LILRA4: variants seen among roughly 807,000 people sequenced by gnomAD.
LILRA4 encodes leukocyte immunoglobulin-like receptor subfamily A member 4.
LILRA4 carries 51 observed loss-of-function variants against 49.5 expected under a neutral mutation model. The observed-to-expected ratio is 1.03, with a 90% CI of 0.82 to 1.30. LILRA4 has a LOEUF of 1.30. Ranked by LOEUF, LILRA4 falls within the 50% of genes most tolerant of loss-of-function variation. The pLI is 0.00. For synonymous variants in LILRA4, 272 were observed against 265.6 expected (o/e 1.02, Z -0.23); for missense variants, 624 against 625.6 (o/e 1.00, Z 0.03).
At chr19:54,333,880 C>A (rs755109001) in intron 7 of LILRA4, 35 bp downstream of exon 7, 6 of 1,612,256 alleles carry the variant, frequency 3.7e-6, no homozygotes, top group Non-Finnish European at 5.1e-6. Context: ...ACCCTCTGTG[C>A]CCAGCCCCAT....
In LILRA4 at chr19:54,337,985, G is replaced by A. The variant is rs2122195416; in HGVS notation, c.606C>T (p.Thr202=). Residue 202 remains threonine (T), a synonymous_variant, in exon 4 of 8, where the codon ACC becomes ACT. Transcript: ENST00000291759. ...CACTGGGTTCCGACCACACGTATGGGGTGTTGTTTTCATAGCCGTAGCATC... is the reference window on the plus strand; with the variant it reads ...CACTGGGTTCCGACCACACGTATGGAGTGTTGTTTTCATAGCCGTAGCATC... ...TFRCYGYENN[T]PYVWSEPSDP... is the part of the protein sequence containing the mutation. The A allele has an allele frequency of 5.0e-6, 8 of 1,613,926 alleles. No individual in the cohort carries two copies. Among genetic ancestry groups the A allele is most frequent in the Admixed American group, 1.7e-5 (1 of 60,010 alleles).
chr19:54,337,134 G>A lies in LILRA4; in HGVS notation c.962C>T (p.Ser321Phe). ...CTGCACTGAGAGGGAGGGTCTGTCA[G>A]AGATCTGTCCTGGAGAAAAGAAGGA... ...PLDILIAGQI[S>F]DRPSLSVQPG... The change falls in exon 6 of 8, where the codon TCT becomes TTT. Residue 321 changes from serine (S) to phenylalanine (F), a missense_variant. Coordinates refer to ENST00000291759, the MANE Select transcript of LILRA4 (RefSeq NM_012276.5). 8 of 1,611,790 alleles carry A rather than the reference G, an allele frequency of 5.0e-6. No individual in the cohort carries two copies. The highest frequency in any genetic ancestry group is 5.9e-6 in the Non-Finnish European group (7 of 1,178,470).
At position 54,337,710 on chromosome 19, in the gene LILRA4, T is replaced by A. The variant is rs529478718; in HGVS notation, c.656-14A>T. ...TCCTAGACACGCCTGGAGGGAAAGA[T>A]GAGTTGGGACTCGGAGCGGCTGGTT... On this transcript the variant is annotated splice_polypyrimidine_tract_variant and intron_variant, in intron 4 of 7. Transcript: ENST00000291759. 1.8e-5 allele frequency: 29 copies of A among 1,609,786 alleles called. No individual in the cohort carries two copies. Among genetic ancestry groups the A allele is most frequent in the Non-Finnish European group, 2.5e-5 (29 of 1,178,746 alleles).
chr19:54,338,941 C>A (rs749408063), intron 1 of LILRA4, 40 bp from the exon 2 acceptor site: 2 of 1,613,926 alleles, frequency 1.2e-6, no homozygotes, highest in African/African-American at 2.7e-5. Context: ...CCTCCGAAGC[C>A]TGAGCAGGTC....
In LILRA4 at chr19:54,338,620, G is replaced by T. The variant is rs757905591; in HGVS notation, c.131C>A (p.Pro44His). The T allele has an allele frequency of 5.6e-6, 9 of 1,614,048 alleles. No individual in the cohort carries two copies. In the East Asian group the frequency reaches 2.0e-4, roughly 36 times the overall value. Residue 44 changes from proline (P) to histidine (H), a missense_variant, in exon 3 of 8, where the codon CCC becomes CAC. Coordinates refer to ENST00000291759, the MANE Select transcript of LILRA4 (RefSeq NM_012276.5). ...GGTGCCCTGACACCAGATGGTCACG[G>T]GGTTATGCCAGGTGATCACGGGACC... is the stretch of plus-strand genomic sequence containing the variant. ...EPGPVITWHNPVTIWCQGTLE... is the reference protein window; with the variant it reads ...EPGPVITWHNHVTIWCQGTLE...
rs139382275 is a variant in LILRA4 at position 54,338,961 on chromosome 19, TC to T, written c.35-61del. ...GAAGCCTGAGCAGGTCTTCTTCTTT[TC>T]CTTGAGCCCCTGGGATGCCCTAATT... is the stretch of plus-strand genomic sequence containing the variant. On this transcript the variant is annotated intron_variant, in intron 1 of 7. Transcript: ENST00000291759. 12,214 of 1,613,482 alleles carry T rather than the reference TC, an allele frequency of 7.6e-3. 155 individuals are homozygous for T. The highest frequency in any genetic ancestry group is 0.034 in the South Asian group (3,135 of 91,076).
chr19:54,333,742 C>A lies in LILRA4; in HGVS notation c.1330G>T (p.Val444Leu). Residue 444 changes from valine to leucine, a missense_variant, in exon 8 of 8, where the codon GTG (valine) becomes TTG (leucine). Val to Leu is a conservative substitution (Grantham distance 32). Coordinates refer to ENST00000291759, the MANE Select transcript of LILRA4 (RefSeq NM_012276.5). ...KTAPHLQDYT[V>L]ENLIRMGVAG... is the part of the protein sequence containing the mutation. ...ACACCCATGCGGATGAGATTCTCCA[C>A]TGTGTAATCCTGGAGGTGTGGGGCT... 1.9e-6 allele frequency: 3 copies of A among 1,614,138 alleles called. No individual in the cohort carries two copies. The highest frequency in any genetic ancestry group is 2.5e-6 in the Non-Finnish European group (3 of 1,180,020).
intron 5 of LILRA4, 110 bp from the exon 6 acceptor site, chr19:54,337,253 T>TCCCCCCCCCCCCCCCACCCC: frequency 1.6e-6 from 2 of 1,281,100 alleles, no homozygotes; most frequent in Non-Finnish European, 2.1e-6. Flanking sequence ...TCTCTGAGTC[T>TCCCCCCCCCCCCCCCACCCC]CCCCCTCCCC....
At position 54,338,864 on chromosome 19, in the gene LILRA4, A is replaced by T; in HGVS notation, c.70+2T>A. 1 of 1,613,898 alleles carries T rather than the reference A, an allele frequency of 6.2e-7. No homozygotes were observed. The highest frequency in any genetic ancestry group is 8.5e-7 in the Non-Finnish European group (1 of 1,179,952). On this transcript the variant is annotated splice_donor_variant, in intron 2 of 7. Coordinates refer to ENST00000291759, the MANE Select transcript of LILRA4 (RefSeq NM_012276.5). LOFTEE classifies it high-confidence loss of function. ...ACCTAGGACAGCTGGGGACAGACTC[A>T]CCTGCCTGCACCCGGGTCCTGGGGC...
At chr19:54,337,275 G>A (rs2081335849) in intron 5 of LILRA4, 125 bp downstream of exon 5, 36 of 1,434,320 alleles carry the variant, frequency 2.5e-5, no homozygotes, top group Non-Finnish European at 3.3e-5. Flanking sequence ...CCCATCCCCT[G>A]TCTCTGTCTG....
chr19:54,337,182 T>C (rs916442104), intron 5 of LILRA4, 39 bp from the exon 6 acceptor site: 7 of 1,576,940 alleles, frequency 4.4e-6, no homozygotes, highest in Non-Finnish European at 6.0e-6. Context: ...TGCCCCACCT[T>C]GTTCTGAGCT....
chr19:54,338,261 T>C, intron 3 of LILRA4, 26 bp from the exon 4 acceptor site: 1 of 1,597,386 alleles, frequency 6.3e-7, no homozygotes, highest in Non-Finnish European at 8.5e-7. Flanking sequence ...AAGGCAGCCG[T>C]GTTTAAATGG....
intron 6 of LILRA4, 117 bp from the exon 7 acceptor site, chr19:54,334,082 A>G: frequency 1.2e-6 from 1 of 816,146 alleles, no homozygotes; most frequent in South Asian, 1.6e-5. Flanking sequence ...CTTAGTGAAC[A>G]CATTCTCTGC....
intron 6 of LILRA4, chr19:54,334,253 T>G: frequency 2.4e-6 from 1 of 424,350 alleles, no homozygotes; most frequent in Non-Finnish European, 4.2e-6. Context: ...AATTGAGCTC[T>G]TGTGTGCTGT....
chr19:54,334,787 A>C (rs1387478864), intron 6 of LILRA4: 1 of 147,124 alleles, frequency 6.8e-6, no homozygotes, highest in Non-Finnish European at 1.5e-5. Flanking sequence ...TAACACGGTG[A>C]AACCCCATCT....
At chr19:54,334,398 A>G (rs886290288) in intron 6 of LILRA4, 1 of 171,258 alleles carries the variant, frequency 5.8e-6, no homozygotes, top group Non-Finnish European at 1.2e-5. Flanking sequence ...GGAAGTCAGG[A>G]GCACAAGCAA....
intron 1 of LILRA4, 54 bp downstream of exon 1, chr19:54,339,006 G>A: frequency 6.2e-7 from 1 of 1,612,506 alleles, no homozygotes; most frequent in Non-Finnish European, 8.5e-7. Flanking sequence ...CATGGCTATG[G>A]ATTGGGGTCT....
At position 54,338,431 on chromosome 19, in the gene LILRA4, G is replaced by C. The variant is rs370153303; in HGVS notation, c.320C>G (p.Ser107Ter). The C allele has an allele frequency of 6.2e-7, 1 of 1,614,008 alleles. No individual in the cohort carries two copies. Among genetic ancestry groups the C allele is most frequent in the East Asian group, 2.2e-5 (1 of 44,888 alleles). Residue 107 changes from serine (S) to a stop codon, truncating the protein, a stop_gained, in exon 3 of 8, where the codon TCA becomes TGA. Coordinates refer to ENST00000291759, the MANE Select transcript of LILRA4 (RefSeq NM_012276.5). LOFTEE classifies it high-confidence loss of function. ...CAGCTCCAGGGGGTCGCTGGGCTCT[G>C]ACCAGCCTGCAGGGCTCTGATAGTA... ...HCYYQSPAGW[S>*]EPSDPLELVV...
rs200162955 is a variant in LILRA4, at chr19:54,333,649, G to T, written c.1423C>A (p.Pro475Thr). The change falls in exon 8 of 8, where the codon CCA (proline) becomes ACA (threonine). Residue 475 changes from proline to threonine, a missense_variant. Transcript: ENST00000291759. The part of the protein sequence containing the change: ...FEAQHSQRSP[P>T]RCSQEANSRK... Reference sequence around the variant, plus strand: ...CTGTTTGCCTCCTGGCTGCACCTTGGGGGGCTTCTCTGGCTGTGCTGAGCC... The same window carrying T: ...CTGTTTGCCTCCTGGCTGCACCTTGTGGGGCTTCTCTGGCTGTGCTGAGCC... 7.4e-6 allele frequency: 12 copies of T among 1,614,074 alleles called. No individual in the cohort carries two copies. The highest frequency in any genetic ancestry group is 3.3e-5 in the South Asian group (3 of 91,086).
Sources: allele counts gnomAD v4.1 joint callset, GRCh38; gene constraint gnomAD v4.1.1; transcripts MANE v1.5; gene names NCBI Gene and HGNC (gene_info 2026-07-23, HGNC 2026-07-21).